HHAT: variants seen among roughly 807,000 people sequenced by gnomAD.
The protein encoded by HHAT is hedgehog acyltransferase.
A neutral mutation model predicts 70.8 loss-of-function variants in HHAT; 47 were observed. That is an observed-to-expected ratio of 0.66 (90% CI 0.53 to 0.85). The LOEUF (loss-of-function observed/expected upper bound fraction) is 0.85. Among genes scored for constraint, HHAT ranks in the 40% least tolerant of loss-of-function variants. The pLI, the probability that HHAT is intolerant of heterozygous loss-of-function variation, is 0.00. For synonymous variants in HHAT, 228 were observed against 247.6 expected, an observed-to-expected ratio of 0.92 and a Z score of 0.74; for missense variants, 609 against 604.8, an observed-to-expected ratio of 1.01 and a Z score of -0.07.
At chr1:210,385,252 CT>C (rs55887436) in intron 3 of HHAT, among the ~76,000 whole-genome samples, 57 of 138,898 alleles carry the variant, frequency 4.1e-4, no homozygotes, top group East Asian at 1.7e-3. Flanking sequence ...ATATGTTTTT[CT>C]TTTTTTTTTT....
At chr1:210,441,308 A>T (rs2093501982) in intron 7 of HHAT, among the ~76,000 whole-genome samples, 2 of 152,228 alleles carry the variant, frequency 1.3e-5, no homozygotes, top group African/African-American at 4.8e-5. Flanking sequence ...ATGAGGCCTC[A>T]TGGGAGTTAC....
chr1:210,347,228 A>G (rs950003427), intron 1 of HHAT, among the ~76,000 whole-genome samples: 18 of 152,120 alleles, frequency 1.2e-4, no homozygotes, highest in African/African-American at 2.7e-4. Flanking sequence ...GGTTTCACAT[A>G]TAAGTGAGAT....
chr1:210,383,148 T>A (rs1345638358), intron 3 of HHAT, among the ~76,000 whole-genome samples: 1 of 152,206 alleles, frequency 6.6e-6, no homozygotes, highest in Admixed American at 6.5e-5. Flanking sequence ...GAGACCAGCC[T>A]GGACAATGTG....
At chr1:210,605,112 C>T (rs566106232) in intron 10 of HHAT, among the ~76,000 whole-genome samples, 53 of 152,160 alleles carry the variant, frequency 3.5e-4, no homozygotes, top group Non-Finnish European at 6.8e-4. Flanking sequence ...CCACCCTTTG[C>T]CAAAGAGGAA....
At chr1:210,366,608 G>A (rs1300176963) in intron 3 of HHAT, among the ~76,000 whole-genome samples, 1 of 152,192 alleles carries the variant, frequency 6.6e-6, no homozygotes, top group East Asian at 1.9e-4. Context: ...GGGTGTCAGA[G>A]TGAGACCTTG....
intron 3 of HHAT, among the ~76,000 whole-genome samples, chr1:210,381,845 G>A (rs1043847746): frequency 3.9e-5 from 6 of 152,106 alleles, no homozygotes; most frequent in African/African-American, 1.2e-4. Context: ...TAACTGATGT[G>A]GCTACAGGGT....
At chr1:210,363,184 A>G (rs2088547597) in intron 3 of HHAT, among the ~76,000 whole-genome samples, 1 of 152,162 alleles carries the variant, frequency 6.6e-6, no homozygotes, top group South Asian at 2.1e-4. Flanking sequence ...TAAAGCTCAG[A>G]AACTTCCTAC....
At chr1:210,496,533 G>A (rs777656318) in intron 8 of HHAT, among the ~76,000 whole-genome samples, 7 of 152,184 alleles carry the variant, frequency 4.6e-5, no homozygotes, top group Non-Finnish European at 5.9e-5. Context: ...GGATTGTCCA[G>A]GGCCATCATG....
At chr1:210,513,500 T>C (rs2094997604) in intron 9 of HHAT, among the ~76,000 whole-genome samples, 1 of 152,218 alleles carries the variant, frequency 6.6e-6, no homozygotes, top group South Asian at 2.1e-4. Context: ...TATTCAGACG[T>C]TAAACAACCC....
intron 9 of HHAT, among the ~76,000 whole-genome samples, chr1:210,534,999 C>T (rs1037656317): frequency 4.6e-5 from 7 of 152,178 alleles, no homozygotes; most frequent in African/African-American, 1.7e-4. Context: ...GCTGAAGTCA[C>T]TCCTTGTTAG....
At position 210,362,271 on chromosome 1, in the gene HHAT, G is replaced by A. The variant is rs181769127; in HGVS notation, c.92-581G>A. On this transcript the variant is annotated intron_variant, in intron 2 of 11. Transcript: ENST00000261458. ...TTTTTCTTTTCTTTTTTGAGATGGA[G>A]TCTTGCTCTTGTTGCCCAAGCTGGA... is the stretch of plus-strand genomic sequence containing the variant. 2.2e-3 allele frequency among the ~76,000 whole-genome samples: 330 copies of A among 148,666 alleles called. 1 individual carries two copies. The Middle Eastern group carries it at 0.024, about 11-fold the overall frequency.
At chr1:210,635,225 T>G (rs1277867966) in intron 11 of HHAT, among the ~76,000 whole-genome samples, 1 of 151,880 alleles carries the variant, frequency 6.6e-6, no homozygotes, top group African/African-American at 2.4e-5. Flanking sequence ...GATATGGAGG[T>G]ATAAATCATA....
intron 7 of HHAT, among the ~76,000 whole-genome samples, chr1:210,442,985 G>A (rs971621615): frequency 1.3e-5 from 2 of 152,120 alleles, no homozygotes; most frequent in African/African-American, 4.8e-5. Flanking sequence ...ATGGTTTTAG[G>A]TCTAACATTT....
intron 9 of HHAT, among the ~76,000 whole-genome samples, chr1:210,556,815 T>G (rs1359270398): frequency 8.5e-5 from 13 of 152,198 alleles, no homozygotes. Flanking sequence ...CAGCCACTCA[T>G]GAATGGGTGT....
At chr1:210,399,586 A>C (rs1249522740) in intron 4 of HHAT, among the ~76,000 whole-genome samples, 2 of 152,186 alleles carry the variant, frequency 1.3e-5, no homozygotes, top group Non-Finnish European at 2.9e-5. Context: ...GCCTCAGGTC[A>C]CACAGGTAGT....
intron 7 of HHAT, chr1:210,439,684 G>A (rs545016233): frequency 6.6e-6 from 1 of 152,040 alleles, no homozygotes; most frequent in East Asian, 1.9e-4. Flanking sequence ...TGATGAGCAG[G>A]AGAGATGAAG....
chr1:210,637,933 C>T (rs1021488942), intron 11 of HHAT, among the ~76,000 whole-genome samples: 1 of 151,372 alleles, frequency 6.6e-6, no homozygotes, highest in African/African-American at 2.4e-5. Flanking sequence ...GATTAATAAG[C>T]ACATGAAAAG....
At chr1:210,598,312 C>T (rs535878761) in intron 10 of HHAT, among the ~76,000 whole-genome samples, 1 of 152,042 alleles carries the variant, frequency 6.6e-6, no homozygotes, top group South Asian at 2.1e-4. Flanking sequence ...ACGGGTGATG[C>T]AAGCACTCCC....
intron 11 of HHAT, among the ~76,000 whole-genome samples, chr1:210,627,104 A>G (rs1289746090): frequency 1.3e-5 from 2 of 152,174 alleles, no homozygotes; most frequent in Non-Finnish European, 2.9e-5. Flanking sequence ...CTGCACCTTG[A>G]TGGGTTGGGA....
Sources: allele counts gnomAD v4.1 joint callset (sites outside exome capture counted in the v4.1 genomes callset), GRCh38; gene constraint gnomAD v4.1.1; transcripts MANE v1.5; gene names NCBI Gene and HGNC (gene_info 2026-07-23, HGNC 2026-07-21).